PLAAT3: variants seen among roughly 807,000 people sequenced by gnomAD.
PLAAT3 encodes phospholipase A and acyltransferase 3.
In PLAAT3, 21 loss-of-function variants were observed where a neutral mutation model predicts 16.7. The observed-to-expected ratio is 1.26, with a 90% CI of 0.89 to 1.81. PLAAT3 has a LOEUF of 1.81. PLAAT3 is among the 40% of genes most tolerant of loss of function. The pLI, the probability that PLAAT3 is intolerant of heterozygous loss-of-function variation, is 0.00. For missense variants in PLAAT3, 219 were observed against 213.7 expected, an observed-to-expected ratio of 1.02 and a Z score of -0.16; for synonymous variants, 76 against 81.7, an observed-to-expected ratio of 0.93 and a Z score of 0.38.
intron 4 of PLAAT3, among the ~76,000 whole-genome samples, chr11:63,585,120 C>T (rs538672311): frequency 2.7e-4 from 41 of 151,952 alleles, no homozygotes; most frequent in South Asian, 1.2e-3. Context: ...CTCCACCTCC[C>T]GGGTTCAAGC....
chr11:63,583,120 A>T (rs1937868445), intron 4 of PLAAT3, among the ~76,000 whole-genome samples: 1 of 152,106 alleles, frequency 6.6e-6, no homozygotes, highest in African/African-American at 2.4e-5. Context: ...ACAGAGTGAG[A>T]CACCATCTCA....
chr11:63,589,611 G>A (rs771217999), intron 4 of PLAAT3, among the ~76,000 whole-genome samples: 9 of 152,218 alleles, frequency 5.9e-5, no homozygotes, highest in Non-Finnish European at 1.3e-4. Context: ...TTATAAGCAC[G>A]ATCAGGCTAT....
chr11:63,610,543 T>C (rs757980028), intron 2 of PLAAT3, among the ~76,000 whole-genome samples: 1 of 152,208 alleles, frequency 6.6e-6, no homozygotes, highest in Admixed American at 6.5e-5. Context: ...CGTGGCTGAA[T>C]AGGGATGAAA....
chr11:63,578,944 A>C (rs1480593073), intron 4 of PLAAT3, among the ~76,000 whole-genome samples: 1 of 152,198 alleles, frequency 6.6e-6, no homozygotes, highest in African/African-American at 2.4e-5. Flanking sequence ...CAACCTACAG[A>C]ATGGGAGAAA....
chr11:63,613,212 C>T (rs1354746033), intron 2 of PLAAT3, among the ~76,000 whole-genome samples: 1 of 152,022 alleles, frequency 6.6e-6, no homozygotes, highest in Non-Finnish European at 1.5e-5. Context: ...GAAGTCGAGA[C>T]CATCCTGGCT....
At chr11:63,598,024 TG>T in intron 3 of PLAAT3, 36 bp downstream of exon 3, 1 of 1,378,740 alleles carries the variant, frequency 7.3e-7, no homozygotes, top group Non-Finnish European at 1.0e-6. Flanking sequence ...TCCCAGCCCC[TG>T]GGGCCCATCA....
At chr11:63,614,663 T>C (rs1156621371), upstream of PLAAT3, among the ~76,000 whole-genome samples, 1 of 152,008 alleles carries the variant, frequency 6.6e-6, no homozygotes, top group African/African-American at 2.4e-5. Context: ...CCATGATGGG[T>C]TTACTTTCGC....
intron 3 of PLAAT3, among the ~76,000 whole-genome samples, chr11:63,590,875 G>A (rs1376649748): frequency 6.6e-6 from 1 of 152,166 alleles, no homozygotes; most frequent in African/African-American, 2.4e-5. Context: ...AGGCTTAGTG[G>A]GTACATGGGC....
chr11:63,600,708 T>TTCTCCTGCCTCAGCCTCCCAAGCAGC (rs1191945277), intron 2 of PLAAT3, among the ~76,000 whole-genome samples: 1 of 151,944 alleles, frequency 6.6e-6, no homozygotes, highest in Non-Finnish European at 1.5e-5. Flanking sequence ...GTTCAAGCGA[T>TTCTCCTGCCTCAGCCTCCCAAGCAGC]TCTCCTGCCT....
At chr11:63,605,271 G>A (rs969036864) in intron 2 of PLAAT3, among the ~76,000 whole-genome samples, 2 of 152,074 alleles carry the variant, frequency 1.3e-5, no homozygotes, top group African/African-American at 4.8e-5. Context: ...GGTGGAGCAC[G>A]CCTGTAATCT....
At chr11:63,576,740 G>A (rs2017667016) in intron 4 of PLAAT3, among the ~76,000 whole-genome samples, 1 of 152,222 alleles carries the variant, frequency 6.6e-6, no homozygotes, top group Admixed American at 6.5e-5. Context: ...AACATAGGTA[G>A]AAAGAATTAG....
chr11:63,590,023 C>T (rs1434760515), intron 4 of PLAAT3, 77 bp downstream of exon 4: 12 of 1,413,272 alleles, frequency 8.5e-6, no homozygotes, highest in African/African-American at 1.4e-5. Flanking sequence ...GTTCATGCCT[C>T]CATAGCCATG....
intron 2 of PLAAT3, among the ~76,000 whole-genome samples, chr11:63,612,291 A>G (rs563171342): frequency 3.2e-4 from 48 of 152,322 alleles, no homozygotes; most frequent in African/African-American, 1.1e-3. Context: ...GAATTACAGT[A>G]ATGAATCACT....
upstream of PLAAT3, among the ~76,000 whole-genome samples, chr11:63,616,100 T>A (rs1315828177): frequency 6.6e-6 from 1 of 152,226 alleles, no homozygotes; most frequent in African/African-American, 2.4e-5. Context: ...ACTTCTTTTG[T>A]GGTGAGAACA....
chr11:63,575,065 TG>T lies in PLAAT3; in HGVS notation c.388-20del. On this transcript the variant is annotated intron_variant, in intron 4 of 4. Coordinates refer to ENST00000415826, the MANE Select transcript of PLAAT3 (RefSeq NM_001128203.2). ...CTCTGACCTGCAACAAAGAAGAGGG[TG>T]GGTCACACTCTGTGTCAGGATCCAG... 6.6e-7 allele frequency: 1 copy of T among 1,526,100 alleles called. No homozygotes were observed. The highest frequency in any genetic ancestry group is 9.1e-7 in the Non-Finnish European group (1 of 1,100,438). 94.5% of individuals were successfully genotyped at this position (1,526,100 alleles called of 1,614,324 possible). A position where few individuals can be genotyped will look rare whatever the true frequency, so the allele number is the denominator to read the frequency against.
chr11:63,615,050 A>G (rs1217358990), upstream of PLAAT3, among the ~76,000 whole-genome samples: 421 of 38,596 alleles, frequency 0.011, 20 homozygotes, highest in African/African-American at 0.02. Flanking sequence ...ATGTATATAT[A>G]TGTGTATATA....
chr11:63,586,469 G>A (rs994077787), intron 4 of PLAAT3, among the ~76,000 whole-genome samples: 1 of 152,148 alleles, frequency 6.6e-6, no homozygotes, highest in African/African-American at 2.4e-5. Context: ...ACTGCTGAAA[G>A]AATAACTAAA....
At chr11:63,599,576 T>A (rs1173987902) in intron 2 of PLAAT3, among the ~76,000 whole-genome samples, 1 of 152,168 alleles carries the variant, frequency 6.6e-6, no homozygotes, top group African/African-American at 2.4e-5. Context: ...TGGCAGGGAA[T>A]TTTACAGATA....
chr11:63,613,933 G>T, intron 2 of PLAAT3, 67 bp downstream of exon 2: 1 of 1,001,872 alleles, frequency 1.0e-6, no homozygotes, highest in Non-Finnish European at 1.6e-6. Flanking sequence ...TTCAGGCTCC[G>T]AGACAACGAG....
Sources: allele counts gnomAD v4.1 joint callset (sites outside exome capture counted in the v4.1 genomes callset), GRCh38; gene constraint gnomAD v4.1.1; transcripts MANE v1.5; gene names NCBI Gene and HGNC (gene_info 2026-07-23, HGNC 2026-07-21).